Variants in MAPK3 observed in about 807,000 individuals in gnomAD.
MAPK3 encodes the protein mitogen-activated protein kinase 3.
Under a neutral mutation model 41.8 loss-of-function variants are expected in MAPK3, and 30 were observed. The ratio of observed to expected loss-of-function variants is 0.72; its 90% CI spans 0.54 to 0.97. The LOEUF (loss-of-function observed/expected upper bound fraction) is 0.97, where lower values mean the gene tolerates loss of function less well. Among genes scored for constraint, MAPK3 ranks in the 50% least tolerant of loss-of-function variants. The pLI, the probability that MAPK3 is intolerant of heterozygous loss-of-function variation, is 0.00. For synonymous variants in MAPK3, 222 were observed against 213.4 expected, an observed-to-expected ratio of 1.04 and a Z score of -0.35; for missense variants, 413 against 509.9, an observed-to-expected ratio of 0.81 and a Z score of 1.83.
chr16:30,123,192 A>AGCCGCC lies in MAPK3; in HGVS notation c.12_17dup (p.Ala5_Ala6dup), dbSNP rs572866415. On this transcript the variant is annotated inframe_insertion, in exon 1 of 9. Transcript: ENST00000263025. Reference sequence around the variant, plus strand: ...GGGGCTCCCCGCCCCCGCCCCCCTGAGCCGCCGCCGCCGCCATCTCCACTC... The same window carrying AGCCGCC: ...GGGGCTCCCCGCCCCCGCCCCCCTGAGCCGCCGCCGCCGCCGCCGCCATCTCCACTC... 2.5e-4 allele frequency: 242 copies of AGCCGCC among 980,806 alleles called. No homozygotes were observed. The highest frequency in any genetic ancestry group is 6.4e-4 in the African/African-American group (29 of 45,012). 60.8% of individuals were successfully genotyped at this position (980,806 alleles called of 1,614,324 possible). A position where few individuals can be genotyped will look rare whatever the true frequency, so the allele number is the denominator to read the frequency against.
Position 30,116,781 on chromosome 16 carries a change from C to G in MAPK3, c.1027G>C (p.Glu343Gln), listed in dbSNP as rs752512625. The part of the protein sequence containing the change: ...YYDPTDEPVA[E>Q]EPFTFAMELD... Reference sequence around the variant, plus strand: ...TCCATGGCGAAGGTGAAGGGCTCCTCGGCCACTGGCTGGGGTGGTAGAGAC... The same window carrying G: ...TCCATGGCGAAGGTGAAGGGCTCCTGGGCCACTGGCTGGGGTGGTAGAGAC... Residue 343 changes from glutamate (E) to glutamine (Q), a missense_variant, in exon 8 of 9, where the codon GAG becomes CAG. Around this residue, in one of 4 missense-constraint regions of MAPK3, gnomAD observed 123 missense variants for 147.8 expected, o/e 0.83. Coordinates refer to ENST00000263025, the MANE Select transcript of MAPK3 (RefSeq NM_002746.3). The G allele has an allele frequency of 1.9e-6, 3 of 1,613,862 alleles. No individual in the cohort carries two copies.
At chr16:30,116,234 C>T (rs930086417) in intron 8 of MAPK3, among the ~76,000 whole-genome samples, 7 of 151,944 alleles carry the variant, frequency 4.6e-5, no homozygotes, top group Non-Finnish European at 8.8e-5. Flanking sequence ...AGGGTTTCAC[C>T]ACGTTGGCCA....
intron 8 of MAPK3, chr16:30,115,756 A>ATTTTTT (rs544098757): frequency 7.4e-6 from 1 of 134,456 alleles, no homozygotes. Context: ...AGCCTTGGGC[A>ATTTTTT]TTTTTTTTTT....
chr16:30,121,410 G>A (rs1319182443), intron 2 of MAPK3, among the ~76,000 whole-genome samples: 4 of 152,156 alleles, frequency 2.6e-5, no homozygotes, highest in Non-Finnish European at 5.9e-5. Flanking sequence ...ACGCCCAGCT[G>A]ACAGTTTTCT....
chr16:30,120,383 T>C (rs965773321), intron 2 of MAPK3, among the ~76,000 whole-genome samples: 1 of 151,724 alleles, frequency 6.6e-6, no homozygotes, highest in Non-Finnish European at 1.5e-5. Context: ...ATCCCCACTC[T>C]TGGGTGGAGG....
chr16:30,123,006 TGAGGGCACCCCCTCCCCC>T lies in MAPK3; in HGVS notation c.170+16_170+33del, dbSNP rs753282772. ...TCCTCTCCCGCGAAGCCCCCTCCCCTGAGGGCACCCCCTCCCCCGGAACGCCCCCTCACCTGACCATGC... is the reference window on the plus strand; with the variant it reads ...TCCTCTCCCGCGAAGCCCCCTCCCCTGGAACGCCCCCTCACCTGACCATGC... On this transcript the variant is annotated intron_variant, in intron 1 of 8. Transcript: ENST00000263025. The T allele has an allele frequency of 8.9e-7, 1 of 1,121,216 alleles. No individual in the cohort carries two copies. Among genetic ancestry groups the T allele is most frequent in the East Asian group, 3.7e-5 (1 of 26,952 alleles). The allele number at this position is 1,121,216 out of a possible 1,614,324, so 69.5% of individuals were successfully genotyped here. A position where few individuals can be genotyped will look rare whatever the true frequency, so the allele number is the denominator to read the frequency against.
intron 2 of MAPK3, among the ~76,000 whole-genome samples, chr16:30,121,037 G>GT (rs2073010248): frequency 6.6e-6 from 1 of 151,252 alleles, no homozygotes; most frequent in Non-Finnish European, 1.5e-5. Context: ...GTTGGGAGGT[G>GT]TAATAGAAAA....
intron 5 of MAPK3, 85 bp downstream of exon 5, chr16:30,117,582 CGTG>C (rs963662266): frequency 4.0e-6 from 4 of 999,498 alleles, no homozygotes; most frequent in Non-Finnish European, 4.8e-6. Context: ...GCACCCCACA[CGTG>C]GTGGTATCCC....
At chr16:30,122,860 C>A (rs2073030413) in intron 1 of MAPK3, 180 bp downstream of exon 1, 2 of 497,472 alleles carry the variant, frequency 4.0e-6, no homozygotes, top group Middle Eastern at 5.4e-4. Context: ...TAGGCAGCGC[C>A]CCCTCCCCCA....
chr16:30,117,818 C>G, intron 4 of MAPK3, 34 bp from the exon 5 acceptor site: 1 of 1,525,584 alleles, frequency 6.6e-7, no homozygotes, highest in Non-Finnish European at 9.1e-7. Context: ...AGCTCCTGGG[C>G]CAGCCTCAAC....
At chr16:30,118,971 G>A (rs2072988385) in intron 2 of MAPK3, among the ~76,000 whole-genome samples, 1 of 151,974 alleles carries the variant, frequency 6.6e-6, no homozygotes, top group South Asian at 2.1e-4. Flanking sequence ...GCAAAACCCT[G>A]TCTCTACTAA....
Position 30,117,205 on chromosome 16 carries a change from A to T in MAPK3, c.856T>A (p.Ser286Thr), listed in dbSNP as rs781501542. The T allele has an allele frequency of 1.9e-6, 3 of 1,614,110 alleles. No individual in the cohort carries two copies. The South Asian group carries it at 3.3e-5, about 18-fold the overall frequency. ...TTGGCCCAAGCCACCTTGGTCTTGG[A>T]GGGCAGAGACTGTAGGTAGTTTCGG... is the stretch of plus-strand genomic sequence containing the variant. The part of the protein sequence containing the change: ...KARNYLQSLP[S>T]KTKVAWAKLF... The change falls in exon 6 of 9, where the codon TCC (serine) becomes ACC (threonine). Residue 286 changes from serine to threonine, a missense_variant. Coordinates refer to ENST00000263025, the MANE Select transcript of MAPK3 (RefSeq NM_002746.3).
chr16:30,120,337 C>T (rs1596881950), intron 2 of MAPK3, among the ~76,000 whole-genome samples: 1 of 149,964 alleles, frequency 6.7e-6, no homozygotes, highest in East Asian at 2.0e-4. Flanking sequence ...TTCCTGTCCA[C>T]AGTTTGTGGT....
Position 30,123,172 on chromosome 16 carries a change from T to TCCCCGCCCCCGC in MAPK3, c.26_37dup (p.Gly9_Gly12dup). 7.6e-7 allele frequency: 1 copy of TCCCCGCCCCCGC among 1,322,490 alleles called. No homozygotes were observed. The highest frequency in any genetic ancestry group is 3.1e-5 in the East Asian group (1 of 32,604). 81.9% of individuals were successfully genotyped at this position (1,322,490 alleles called of 1,614,324 possible). ...GCCGACCCCCTCGGTTCTACGGGGCTCCCCGCCCCCGCCCCCCTGAGCCGC... is the reference window on the plus strand; with the variant it reads ...GCCGACCCCCTCGGTTCTACGGGGCTCCCCGCCCCCGCCCCCGCCCCCGCCCCCCTGAGCCGC... On this transcript the variant is annotated inframe_insertion, in exon 1 of 9. Transcript: ENST00000263025.
intron 8 of MAPK3, chr16:30,115,922 A>AT (rs1186542491): frequency 6.6e-6 from 1 of 151,390 alleles, no homozygotes; most frequent in Non-Finnish European, 1.5e-5. Flanking sequence ...CACCCAGCTC[A>AT]TTTTTGTATT....
chr16:30,118,616 G>A (rs906287847), intron 2 of MAPK3, 78 bp from the exon 3 acceptor site: 6 of 1,209,510 alleles, frequency 5.0e-6, no homozygotes, highest in East Asian at 4.8e-5. Context: ...CTCTGAAGGC[G>A]AGGCTGCACA....
rs976845326 is a variant in MAPK3, at chr16:30,121,840, C to T, written c.337G>A (p.Glu113Lys). The change falls in exon 2 of 9, where the codon GAA becomes AAA. Residue 113 changes from glutamate to lysine, a missense_variant. This residue lies in a region of MAPK3 where 140 missense variants were observed against 206.0 expected (regional missense o/e 0.68). Coordinates refer to ENST00000263025, the MANE Select transcript of MAPK3 (RefSeq NM_002746.3). ...GAAGGATACACATCTCTCATGGCTT[C>T]CAGGGTGGACGCCCGCAGAATGTCT... ...IRDILRASTLEAMRDVYIVQD... is the reference protein window; with the variant it reads ...IRDILRASTLKAMRDVYIVQD... The T allele has an allele frequency of 3.1e-6, 5 of 1,613,924 alleles. No homozygotes were observed. Among genetic ancestry groups the T allele is most frequent in the Admixed American group, 1.7e-5 (1 of 59,996 alleles).
chr16:30,118,016 G>A (rs761516877), intron 4 of MAPK3, 31 bp downstream of exon 4: 18 of 1,588,794 alleles, frequency 1.1e-5, no homozygotes, highest in Middle Eastern at 1.7e-4. Flanking sequence ...GAACTGGTCC[G>A]TTCCTTTCAG....
rs1455025717 is a variant in MAPK3, at chr16:30,123,093, G to C, written c.117C>G (p.Gly39=). The C allele has an allele frequency of 6.3e-7, 1 of 1,574,950 alleles. No individual in the cohort carries two copies. Among genetic ancestry groups the C allele is most frequent in the Non-Finnish European group, 8.6e-7 (1 of 1,161,604 alleles). The change falls in exon 1 of 9, where the codon GGC becomes GGG. Residue 39 remains glycine (G), a synonymous_variant. Transcript: ENST00000263025. ...EMVKGQPFDV[G]PRYTQLQYIG... The stretch of plus-strand genomic sequence containing the variant: ...TGTACTGCAACTGCGTGTAGCGCGG[G>C]CCCACGTCGAACGGCTGCCCCTTCA...
Sources: gnomAD v4.1 joint callset for allele counts (sites outside exome capture counted in the v4.1 genomes callset) on GRCh38, gnomAD v4.1.1 for gene constraint, gnomAD v4.1.1 regional missense constraint, MANE v1.5 for transcripts, NCBI Gene and HGNC (gene_info 2026-07-23, HGNC 2026-07-21) for gene names.